The following MCC variants were observed in gnomAD, a reference collection of about 807,000 sequenced individuals.
The protein encoded by MCC is MCC regulator of Wnt signaling pathway.
A neutral mutation model predicts 116.2 loss-of-function variants in MCC; 90 were observed. That is an observed-to-expected ratio of 0.77 (90% CI 0.65 to 0.92). The LOEUF (loss-of-function observed/expected upper bound fraction) is 0.92. Among genes scored for constraint, MCC ranks in the 40% least tolerant of loss-of-function variants. MCC has a pLI of 0.00. For missense variants in MCC, 1,516 were observed against 1,312.2 expected (o/e 1.16, Z -2.40); for synonymous variants, 578 against 510.5 (o/e 1.13, Z -1.78).
intron 6 of MCC, among the ~76,000 whole-genome samples, chr5:113,118,476 G>C (rs1720569023): frequency 6.6e-6 from 1 of 152,216 alleles, no homozygotes; most frequent in Non-Finnish European, 1.5e-5. Context: ...GGAAGACAGT[G>C]TCCAGGAACC....
At chr5:113,219,258 G>A (rs1235368710) in intron 3 of MCC, among the ~76,000 whole-genome samples, 3 of 152,190 alleles carry the variant, frequency 2.0e-5, no homozygotes, top group Non-Finnish European at 4.4e-5. Flanking sequence ...GGAAGCTATT[G>A]TTTGGGAGGT....
At chr5:113,374,613 T>C (rs565406179) in intron 2 of MCC, among the ~76,000 whole-genome samples, 1 of 152,294 alleles carries the variant, frequency 6.6e-6, no homozygotes, top group Non-Finnish European at 1.5e-5. Flanking sequence ...TTCTACGCCA[T>C]ATTTGTATTA....
At chr5:113,396,865 A>G (rs1463241836) in intron 1 of MCC, among the ~76,000 whole-genome samples, 2 of 152,232 alleles carry the variant, frequency 1.3e-5, no homozygotes, top group East Asian at 3.8e-4. Flanking sequence ...TTGATCAACC[A>G]GAAGCCCATG....
At position 113,434,255 on chromosome 5, in the gene MCC, C is replaced by T. The variant is rs1161283536; in HGVS notation, c.171-49043G>A. ...CGCCTAGGCTCCAGATGTCGTACAC[C>T]TTGGGCTGGTAGGGAATGCCCTGCA... On this transcript the variant is annotated intron_variant, in intron 1 of 18. Transcript: ENST00000408903. The surrounding 1 kb of genome is among the most constrained non-coding windows in gnomAD (Gnocchi z 4.2). 3 of 1,614,140 alleles carry T rather than the reference C, an allele frequency of 1.9e-6. No homozygotes were observed. The highest frequency in any genetic ancestry group is 2.5e-6 in the Non-Finnish European group (3 of 1,180,004).
chr5:113,222,360 G>A (rs1763583575), intron 3 of MCC, among the ~76,000 whole-genome samples: 1 of 152,062 alleles, frequency 6.6e-6, no homozygotes, highest in African/African-American at 2.4e-5. Context: ...CAAAGATATT[G>A]TATTGCTCTG....
intron 3 of MCC, among the ~76,000 whole-genome samples, chr5:113,321,734 C>T (rs1255591569): frequency 6.6e-6 from 1 of 152,220 alleles, no homozygotes; most frequent in East Asian, 1.9e-4. Context: ...AGCAATGTTT[C>T]TCAAACTTTA....
At chr5:113,468,918 T>C (rs2150429831) in intron 1 of MCC, among the ~76,000 whole-genome samples, 1 of 152,314 alleles carries the variant, frequency 6.6e-6, no homozygotes, top group South Asian at 2.1e-4. Context: ...TGGGAGGGTG[T>C]ATGTGTCGAG....
intron 3 of MCC, among the ~76,000 whole-genome samples, chr5:113,175,266 A>C (rs1482863357): frequency 6.6e-6 from 1 of 152,248 alleles, no homozygotes; most frequent in Non-Finnish European, 1.5e-5. Flanking sequence ...GAACAAACAA[A>C]ATAATGAACC....
At chr5:113,082,339 G>A (rs1248944988) in intron 11 of MCC, among the ~76,000 whole-genome samples, 1 of 152,240 alleles carries the variant, frequency 6.6e-6, no homozygotes, top group Admixed American at 6.5e-5. Flanking sequence ...CAGCATGCCT[G>A]GTCGATGCCA....
intron 1 of MCC, among the ~76,000 whole-genome samples, chr5:113,400,191 T>C (rs1554081208): frequency 7.0e-6 from 1 of 143,144 alleles, no homozygotes; most frequent in Non-Finnish European, 1.5e-5. Context: ...GGTGCGATCT[T>C]GGCTCACTGA....
At chr5:113,258,575 T>C (rs1765105985) in intron 3 of MCC, among the ~76,000 whole-genome samples, 1 of 152,238 alleles carries the variant, frequency 6.6e-6, no homozygotes, top group South Asian at 2.1e-4. Context: ...TGCCAGATGA[T>C]CTGAGGTAGA....
intron 1 of MCC, chr5:113,433,413 T>C (rs1456697645): frequency 3.5e-6 from 2 of 572,926 alleles, no homozygotes; most frequent in South Asian, 1.7e-5. Flanking sequence ...CTGCTGCTCT[T>C]CCTGCTCTTG....
At chr5:113,074,576 T>C (rs1255569132) in intron 11 of MCC, among the ~76,000 whole-genome samples, 1 of 143,634 alleles carries the variant, frequency 7.0e-6, no homozygotes, top group Non-Finnish European at 1.6e-5. Context: ...CGATAGATAA[T>C]AACAAACTTC....
intron 3 of MCC, among the ~76,000 whole-genome samples, chr5:113,250,921 A>ACATCATT (rs912823246): frequency 1.2e-4 from 18 of 152,356 alleles, no homozygotes; most frequent in African/African-American, 4.1e-4. Context: ...AATTTAGGGT[A>ACATCATT]CATCATTCCA....
chr5:113,483,688 C>A (rs927101141), intron 1 of MCC, among the ~76,000 whole-genome samples: 7 of 152,080 alleles, frequency 4.6e-5, no homozygotes, highest in Non-Finnish European at 7.4e-5. Flanking sequence ...AGTCTCATTA[C>A]TAGGTATATA....
At chr5:113,364,960 C>T (rs1302991663) in intron 2 of MCC, among the ~76,000 whole-genome samples, 1 of 152,124 alleles carries the variant, frequency 6.6e-6, no homozygotes, top group African/African-American at 2.4e-5. Flanking sequence ...TGTCTCCAGA[C>T]CTGTGATGAG....
At chr5:113,091,135 C>T (rs774589069) in intron 8 of MCC, among the ~76,000 whole-genome samples, 12 of 152,224 alleles carry the variant, frequency 7.9e-5, no homozygotes, top group Admixed American at 2.0e-4. Flanking sequence ...GGCTGTGCAG[C>T]GGAGTCAACC....
chr5:113,093,530 C>T (rs1320129415), intron 8 of MCC, among the ~76,000 whole-genome samples: 1 of 151,910 alleles, frequency 6.6e-6, no homozygotes, highest in African/African-American at 2.4e-5. Flanking sequence ...AAGCCAGGAG[C>T]ATAAGGGATT....
At chr5:113,134,602 T>A (rs1174331562) in intron 5 of MCC, among the ~76,000 whole-genome samples, 5 of 118,342 alleles carry the variant, frequency 4.2e-5, no homozygotes, top group African/African-American at 1.5e-4. Context: ...CATTGTAGGA[T>A]TTTTTTTTTC....
Sources: gnomAD v4.1 joint callset for allele counts (sites outside exome capture counted in the v4.1 genomes callset) on GRCh38, gnomAD v4.1.1 for gene constraint, Gnocchi (gnomAD v3.1) non-coding constraint, MANE v1.5 for transcripts, NCBI Gene and HGNC (gene_info 2026-07-23, HGNC 2026-07-21) for gene names.